DPP6: variants seen among roughly 807,000 people sequenced by gnomAD.
The protein encoded by DPP6 is dipeptidyl peptidase like 6.
A neutral mutation model predicts 122.6 loss-of-function variants in DPP6; 69 were observed. That is an observed-to-expected ratio of 0.56 (90% CI 0.46 to 0.69). The LOEUF is 0.69. DPP6 is among the 30% of genes least tolerant of loss of function. The pLI, the probability that DPP6 is intolerant of heterozygous loss-of-function variation, is 0.00. For missense variants in DPP6, 928 were observed against 1,116.9 expected, an observed-to-expected ratio of 0.83 and a Z score of 2.41; for synonymous variants, 418 against 433.1, an observed-to-expected ratio of 0.97 and a Z score of 0.43.
At chr7:153,819,065 C>G in the DPP6 span, among the ~76,000 whole-genome samples, 2 of 103,322 alleles carry the variant, frequency 1.9e-5, no homozygotes, top group African/African-American at 8.3e-5. Flanking sequence ...TTTTTTTTTC[C>G]CCTTTTCTTT....
chr7:154,350,660 G>A (rs1325882330), intron 1 of DPP6, among the ~76,000 whole-genome samples: 1 of 152,152 alleles, frequency 6.6e-6, no homozygotes, highest in African/African-American at 2.4e-5. Flanking sequence ...GCCTTGAACA[G>A]GTGCACCCTG....
chr7:154,742,640 C>A (rs1218682664), intron 8 of DPP6, among the ~76,000 whole-genome samples: 1 of 152,218 alleles, frequency 6.6e-6, no homozygotes, highest in Non-Finnish European at 1.5e-5. Flanking sequence ...CGCAAAATAG[C>A]TCAGGGAAAA....
In DPP6 at chr7:154,037,450, T is replaced by C. The variant is rs1474025262; in HGVS notation, c.51+149716T>C. Among the ~76,000 whole-genome samples the C allele has an allele frequency of 6.2e-3, 921 of 149,052 alleles. 6 individuals are homozygous for C. Among genetic ancestry groups the C allele is most frequent in the African/African-American group, 0.022 (885 of 39,978 alleles). ...TTTGAGCAAATATTTATAGAGTTGTTTTTAAAAAATTACTGATGCTGTAAT... is the reference window on the plus strand; with the variant it reads ...TTTGAGCAAATATTTATAGAGTTGTCTTTAAAAAATTACTGATGCTGTAAT... On this transcript the variant is annotated intron_variant, in intron 1 of 25. Coordinates refer to the DPP6 transcript ENST00000404039.
chr7:154,844,974 A>G (rs1487527750), intron 16 of DPP6, among the ~76,000 whole-genome samples: 2 of 152,208 alleles, frequency 1.3e-5, no homozygotes, highest in Non-Finnish European at 2.9e-5. Flanking sequence ...GAACTTAGTG[A>G]AAAGGGCAGG....
intron 1 of DPP6, among the ~76,000 whole-genome samples, chr7:154,306,662 A>G (rs886709226): frequency 1.3e-5 from 2 of 152,212 alleles, no homozygotes; most frequent in African/African-American, 4.8e-5. Flanking sequence ...GTCATTTCCC[A>G]AAGCCCATTT....
At chr7:154,308,686 A>C (rs1454120187) in intron 1 of DPP6, among the ~76,000 whole-genome samples, 1 of 152,200 alleles carries the variant, frequency 6.6e-6, no homozygotes, top group Non-Finnish European at 1.5e-5. Context: ...ATATTCTCAC[A>C]AGCCAACGGA....
At chr7:154,093,326 T>G (rs1805016991) in intron 1 of DPP6, among the ~76,000 whole-genome samples, 1 of 138,574 alleles carries the variant, frequency 7.2e-6, no homozygotes, top group Admixed American at 7.3e-5. Context: ...CCACACAACC[T>G]ACACACCACA....
chr7:154,316,095 G>A (rs1170168778), intron 1 of DPP6, among the ~76,000 whole-genome samples: 2 of 152,250 alleles, frequency 1.3e-5, no homozygotes, highest in Non-Finnish European at 1.5e-5. Context: ...TTTATTCATC[G>A]AATGAACCAT....
chr7:153,996,004 G>A (rs117754765), intron 1 of DPP6, among the ~76,000 whole-genome samples: 4,810 of 152,278 alleles, frequency 0.032, 96 homozygotes, highest in South Asian at 0.083. Flanking sequence ...TTCCGCAGGG[G>A]CTAGGATTGT....
At chr7:154,348,948 G>A (rs1008853953) in intron 1 of DPP6, among the ~76,000 whole-genome samples, 4 of 152,096 alleles carry the variant, frequency 2.6e-5, no homozygotes, top group African/African-American at 9.7e-5. Flanking sequence ...GTTAACAAAT[G>A]TGCAACACAA....
intron 5 of DPP6, among the ~76,000 whole-genome samples, chr7:154,625,322 T>A (rs567310199): frequency 3.9e-4 from 59 of 152,226 alleles, no homozygotes; most frequent in Admixed American, 1.5e-3. Context: ...CAGACACTTT[T>A]TTTTTTTTAA....
intron 21 of DPP6, chr7:154,884,435 ACCTATACACATGCT>A (rs1805901222): frequency 4.8e-5 from 7 of 144,872 alleles, no homozygotes; most frequent in South Asian, 2.2e-4. Context: ...CCACATGCTC[ACCTATACACATGCT>A]CACATACACA....
chr7:154,060,105 C>T lies in DPP6; in HGVS notation c.243+7042C>T, dbSNP rs1490569270. Among the ~76,000 whole-genome samples, 1,337 of 149,006 alleles carry T rather than the reference C, an allele frequency of 9.0e-3. 6 individuals are homozygous for T. The highest frequency in any genetic ancestry group is 0.031 in the African/African-American group (1,237 of 39,688). On this transcript the variant is annotated intron_variant, in intron 1 of 25. Coordinates refer to ENST00000377770, the MANE Select transcript of DPP6 (RefSeq NM_130797.4). ...CCACCATCGCAGGGGGGGAGGCAAT[C>T]CTCCCGAGGCGGGACTGCAAACCTC...
intron 1 of DPP6, among the ~76,000 whole-genome samples, chr7:154,388,787 G>T (rs973624728): frequency 6.6e-6 from 1 of 152,140 alleles, no homozygotes; most frequent in South Asian, 2.1e-4. Flanking sequence ...TTTATGCCTG[G>T]TAATGATAAA....
chr7:154,797,235 A>G lies in DPP6; in HGVS notation c.1299+1352A>G, dbSNP rs977151973. Among the ~76,000 whole-genome samples the G allele has an allele frequency of 2.9e-4, 44 of 152,218 alleles. 1 individual carries two copies. The highest frequency in any genetic ancestry group is 2.7e-3 in the Admixed American group (41 of 15,278). ...CATGCTAGGCTGTGGATTTCAAAAAATGAGTCGGCTACTATCACTGAGCAC... is the reference window on the plus strand; with the variant it reads ...CATGCTAGGCTGTGGATTTCAAAAAGTGAGTCGGCTACTATCACTGAGCAC... On this transcript the variant is annotated intron_variant, in intron 12 of 25. Transcript: ENST00000377770.
chr7:154,502,216 G>C (rs984466549), intron 3 of DPP6, among the ~76,000 whole-genome samples: 4 of 152,264 alleles, frequency 2.6e-5, no homozygotes, highest in South Asian at 2.1e-4. Flanking sequence ...GACTTGCCTT[G>C]TCTCATATGA....
chr7:154,463,503 A>G (rs6962560), intron 2 of DPP6, among the ~76,000 whole-genome samples: 32,168 of 151,810 alleles, frequency 0.21, 3,768 homozygotes, highest in South Asian at 0.41. Flanking sequence ...CACCGCGCCC[A>G]GCCTACTTCT....
rs1219293118 is a variant in DPP6 at position 154,821,719 on chromosome 7, G to GA, written c.1666+14613dup. Among the ~76,000 whole-genome samples the GA allele has an allele frequency of 7.0e-6, 1 of 141,930 alleles. No individual in the cohort carries two copies. Among genetic ancestry groups the GA allele is most frequent in the Non-Finnish European group, 1.5e-5 (1 of 65,234 alleles). 93.1% of individuals were successfully genotyped at this position (141,930 alleles called of 152,430 possible). A position where few individuals can be genotyped will look rare whatever the true frequency, so the allele number is the denominator to read the frequency against. ...ATACACACACACATATATATATACA[G>GA]AAAAAACATGGTGTTTTGTTAGTAT... On this transcript the variant is annotated intron_variant, in intron 16 of 25. Transcript: ENST00000377770. The surrounding 1 kb of genome is among the most constrained non-coding windows in gnomAD (Gnocchi z 4.2).
At chr7:153,971,329 C>T (rs1406213437) in intron 1 of DPP6, among the ~76,000 whole-genome samples, 4 of 151,702 alleles carry the variant, frequency 2.6e-5, no homozygotes, top group African/African-American at 4.8e-5. Context: ...TTTTTCCATA[C>T]ATTTCTTAGG....
Sources: allele counts gnomAD v4.1 joint callset (sites outside exome capture counted in the v4.1 genomes callset), GRCh38; gene constraint gnomAD v4.1.1; non-coding constraint Gnocchi (gnomAD v3.1); transcripts MANE v1.5; gene names NCBI Gene and HGNC (gene_info 2026-07-23, HGNC 2026-07-21).